Variants in LRCH3 observed in about 807,000 individuals in gnomAD.
LRCH3 encodes the protein leucine rich repeats and calponin homology domain containing 3, also known as DISP complex protein LRCH3.
LRCH3 carries 68 observed loss-of-function variants against 104.5 expected under a neutral mutation model. The observed-to-expected ratio is 0.65, with a 90% CI of 0.54 to 0.80. The LOEUF (loss-of-function observed/expected upper bound fraction) is 0.80. Among genes scored for constraint, LRCH3 ranks in the 30% least tolerant of loss-of-function variants. LRCH3 has a pLI of 0.00. For missense variants in LRCH3, 951 were observed against 953.9 expected (o/e 1.00, Z 0.04); for synonymous variants, 344 against 361.3 (o/e 0.95, Z 0.54).
At chr3:197,862,694 T>C (rs905189263) in intron 15 of LRCH3, among the ~76,000 whole-genome samples, 4 of 152,222 alleles carry the variant, frequency 2.6e-5, no homozygotes, top group African/African-American at 9.6e-5. Flanking sequence ...GATATCTGGC[T>C]TTTGCCTCAT....
At position 197,811,208 on chromosome 3, in the gene LRCH3, C is replaced by T. The variant is rs1167154272; in HGVS notation, c.263-3700C>T. ...TGAACAGTATCATTGTGATATGTTA[C>T]ATAGCTATCAAATAATATTTTAAAT... On this transcript the variant is annotated intron_variant, in intron 1 of 20. Coordinates refer to ENST00000425562, the MANE Select transcript of LRCH3 (RefSeq NM_001365715.1). 1.3e-5 allele frequency among the ~76,000 whole-genome samples: 2 copies of T among 152,074 alleles called. 1 individual carries two copies. The highest frequency in any genetic ancestry group is 2.9e-5 in the Non-Finnish European group (2 of 68,030).
chr3:197,828,710 T>A (rs186971855), intron 5 of LRCH3, among the ~76,000 whole-genome samples: 1 of 147,756 alleles, frequency 6.8e-6, no homozygotes, highest in East Asian at 2.0e-4. Flanking sequence ...ACTCTTTTTT[T>A]TTTTTTTTTT....
At chr3:197,859,110 A>G in intron 15 of LRCH3, 4 of 545,504 alleles carry the variant, frequency 7.3e-6, no homozygotes, top group Non-Finnish European at 1.3e-5. Context: ...GCTCACATTA[A>G]TTCTTCGTAT....
intron 12 of LRCH3, 36 bp from the exon 13 acceptor site, chr3:197,852,525 C>A: frequency 6.2e-7 from 1 of 1,607,936 alleles, no homozygotes; most frequent in South Asian, 1.1e-5. Flanking sequence ...AGGCTCTAAC[C>A]AACTTCCTTT....
rs1739990836 is a variant in LRCH3 at position 197,854,293 on chromosome 3, T to G, written c.1591-99T>G. 2 of 1,007,666 alleles carry G rather than the reference T, an allele frequency of 2.0e-6. No homozygotes were observed. The highest frequency in any genetic ancestry group is 3.2e-6 in the Non-Finnish European group (2 of 627,990). 62.4% of individuals were successfully genotyped at this position (1,007,666 alleles called of 1,614,324 possible). On this transcript the variant is annotated intron_variant, in intron 13 of 20. Transcript: ENST00000425562. This position sits in a 1 kb window ranked among gnomAD's most constrained non-coding sequence, Gnocchi z 4.5. The stretch of plus-strand genomic sequence containing the variant: ...CTATGTCAACGTCTTCAAAAGTATG[T>G]CTTAATATGTCTCTTCCCTTGTGTG...
Position 197,850,862 on chromosome 3 carries a change from T to C in LRCH3, c.1531-1699T>C, listed in dbSNP as rs190628642. 26 of 967,492 alleles carry C rather than the reference T, an allele frequency of 2.7e-5. 1 individual carries two copies. The African/African-American group carries it at 3.2e-4, about 12-fold the overall frequency. 59.9% of individuals were successfully genotyped at this position (967,492 alleles called of 1,614,324 possible). A position where few individuals can be genotyped will look rare whatever the true frequency, so the allele number is the denominator to read the frequency against. ...GCATACCCTTGGTGGCCTGAGCAGT[T>C]CCACGAGTGTTCTTAAAGTGAACAC... On this transcript the variant is annotated intron_variant, in intron 12 of 20. Transcript: ENST00000425562.
chr3:197,837,682 A>G (rs547075011), intron 9 of LRCH3, among the ~76,000 whole-genome samples: 1 of 152,220 alleles, frequency 6.6e-6, no homozygotes, highest in Admixed American at 6.5e-5. Flanking sequence ...AATTAAACCA[A>G]TGTCACATTC....
At chr3:197,866,880 C>G (rs1029943210) in intron 17 of LRCH3, among the ~76,000 whole-genome samples, 2 of 152,170 alleles carry the variant, frequency 1.3e-5, no homozygotes, top group Non-Finnish European at 2.9e-5. Context: ...TGGCTCACGC[C>G]TGTGATCCCA....
At chr3:197,832,387 C>T (rs116680584) in intron 8 of LRCH3, 70 bp downstream of exon 8, 2 of 1,530,298 alleles carry the variant, frequency 1.3e-6, no homozygotes, top group Non-Finnish European at 8.9e-7. Flanking sequence ...CTTTTTCATA[C>T]CCACTCCTTT....
chr3:197,880,019 C>T (rs1050759271), intron 20 of LRCH3, among the ~76,000 whole-genome samples: 9 of 150,508 alleles, frequency 6.0e-5, no homozygotes, highest in Non-Finnish European at 1.2e-4. Flanking sequence ...GATCTCGGCT[C>T]ACTGCAAGCT....
exon 1 of LRCH3, chr3:197,791,245 TGAGCTGGCGGGCCC>T: frequency 6.2e-7 from 1 of 1,602,518 alleles, no homozygotes; most frequent in East Asian, 2.3e-5. Context: ...GCGCATGCGC[TGAGCTGGCGGGCCC>T]GAGTGTTGTC....
intron 1 of LRCH3, among the ~76,000 whole-genome samples, chr3:197,798,120 T>C (rs1469481284): frequency 6.6e-6 from 1 of 151,612 alleles, no homozygotes; most frequent in East Asian, 1.9e-4. Context: ...AATTAGACAG[T>C]TGTGGTGGAA....
chr3:197,877,659 G>A lies in LRCH3; in HGVS notation c.2208+1884G>A, dbSNP rs370770910. Among the ~76,000 whole-genome samples, 42 of 152,336 alleles carry A rather than the reference G, an allele frequency of 2.8e-4. No homozygotes were observed. The South Asian group carries it at 3.3e-3, about 12-fold the overall frequency. ...CATGTTACAAAGTGAAAGAGAGAGC[G>A]CCCAGCTCCACAGATCATCTGTGTC... On this transcript the variant is annotated intron_variant, in intron 20 of 20. Coordinates refer to ENST00000425562, the MANE Select transcript of LRCH3 (RefSeq NM_001365715.1).
At chr3:197,865,156 T>G (rs765798639) in intron 15 of LRCH3, among the ~76,000 whole-genome samples, 10 of 152,046 alleles carry the variant, frequency 6.6e-5, no homozygotes, top group Non-Finnish European at 1.2e-4. Flanking sequence ...CCTGACCAAT[T>G]TTTTAGACGT....
In LRCH3 at chr3:197,819,463, C is replaced by T. The variant is rs538449968; in HGVS notation, c.535-862C>T. On this transcript the variant is annotated intron_variant, in intron 3 of 20. Transcript: ENST00000425562. ...GGGCACGGTGGCTCATGCCTGTAAT[C>T]GCAGCACTTTGGGAGGCTGAGGCAG... is the stretch of plus-strand genomic sequence containing the variant. Among the ~76,000 whole-genome samples the T allele has an allele frequency of 5.2e-3, 784 of 151,932 alleles. 2 individuals carry two copies. The highest frequency in any genetic ancestry group is 6.9e-3 in the Non-Finnish European group (469 of 67,978).
rs1205627161 is a variant in LRCH3 at position 197,884,094 on chromosome 3, A to G, written c.*428A>G. 1.3e-5 allele frequency: 2 copies of G among 157,460 alleles called. No homozygotes were observed. Among genetic ancestry groups the G allele is most frequent in the East Asian group, 1.9e-4 (1 of 5,362 alleles). 9.8% of individuals were successfully genotyped at this position (157,460 alleles called of 1,614,324 possible). On this transcript the variant is annotated 3_prime_UTR_variant, in exon 21 of 21. Transcript: ENST00000425562. ...TCCTGGAGTATTTGTTAAAATACAG[A>G]TTCACATTCAGTAGAGCTGGGGTAA...
At chr3:197,823,523 C>G (rs1734747299) in intron 4 of LRCH3, 3 of 152,018 alleles carry the variant, frequency 2.0e-5, no homozygotes, top group Admixed American at 6.6e-5. Context: ...GGGTCTCACT[C>G]TGTTGCCCAG....
At chr3:197,805,989 C>T (rs547007320) in intron 1 of LRCH3, among the ~76,000 whole-genome samples, 5 of 151,552 alleles carry the variant, frequency 3.3e-5, no homozygotes, top group Admixed American at 2.6e-4. Context: ...TGTAATGGTG[C>T]GATCTTGGCT....
Position 197,858,915 on chromosome 3 carries a change from G to T in LRCH3, c.1716+10G>T, listed in dbSNP as rs368085426. 4 of 1,610,490 alleles carry T rather than the reference G, an allele frequency of 2.5e-6. No homozygotes were observed. The African/African-American group carries it at 4.0e-5, about 16-fold the overall frequency. ...CTTCACGCCTCTTAAGGTATCTCTTGTTATTGTAATTCACCAGGAAGTTTG... is the reference window on the plus strand; with the variant it reads ...CTTCACGCCTCTTAAGGTATCTCTTTTTATTGTAATTCACCAGGAAGTTTG... On this transcript the variant is annotated intron_variant, in intron 15 of 20. Transcript: ENST00000425562.
Sources: allele counts gnomAD v4.1 joint callset (sites outside exome capture counted in the v4.1 genomes callset), GRCh38; gene constraint gnomAD v4.1.1; non-coding constraint Gnocchi (gnomAD v3.1); transcripts MANE v1.5; gene names NCBI Gene and HGNC (gene_info 2026-07-23, HGNC 2026-07-21).